Variants in LARGE1 observed in about 807,000 individuals in gnomAD.
LARGE1 encodes the protein LARGE xylosyl- and glucuronyltransferase 1, also known as xylosyl- and glucuronyltransferase LARGE1.
A neutral mutation model predicts 87.6 loss-of-function variants in LARGE1; 43 were observed. The ratio of observed to expected loss-of-function variants is 0.49; its 90% CI spans 0.38 to 0.63. The LOEUF is 0.63. LARGE1 is among the 30% of genes least tolerant of loss of function. LARGE1 has a pLI of 0.00. For synonymous variants in LARGE1, 434 were observed against 394.6 expected (o/e 1.10, Z -1.18); for missense variants, 802 against 1,000.2 (o/e 0.80, Z 2.67).
chr22:33,920,494 A>AGCGCGGCG (rs1461929215), upstream of LARGE1: 1 of 143,472 alleles, frequency 7.0e-6, no homozygotes, highest in African/African-American at 2.5e-5. Flanking sequence ...CCGGGCGCCG[A>AGCGCGGCG]ACGCGGCGGC....
At chr22:33,197,741 CAATCAAA>C (rs1924152531) in intron 11 of LARGE1, among the ~76,000 whole-genome samples, 1 of 151,998 alleles carries the variant, frequency 6.6e-6, no homozygotes. Flanking sequence ...AATGCACTCC[CAATCAAA>C]AGCCCAAAAG....
At chr22:33,186,037 C>A (rs1156445888) in intron 11 of LARGE1, among the ~76,000 whole-genome samples, 1 of 152,016 alleles carries the variant, frequency 6.6e-6, no homozygotes, top group Non-Finnish European at 1.5e-5. Flanking sequence ...TTAAAAAGTT[C>A]TTTATAATAA....
chr22:33,079,854 G>A, the LARGE1 span, among the ~76,000 whole-genome samples: 57 of 152,170 alleles, frequency 3.7e-4, 1 homozygote, highest in Admixed American at 6.5e-5. Flanking sequence ...GGAATGACCC[G>A]TTGAGGGCAA....
chr22:33,878,272 G>T (rs2064547473), intron 1 of LARGE1, among the ~76,000 whole-genome samples: 1 of 147,188 alleles, frequency 6.8e-6, no homozygotes, highest in African/African-American at 2.5e-5. Flanking sequence ...GTAGTAGCTG[G>T]GACTATAGGC....
chr22:33,155,971 C>T, the LARGE1 span, among the ~76,000 whole-genome samples: 2 of 152,044 alleles, frequency 1.3e-5, no homozygotes, highest in Non-Finnish European at 2.9e-5. Flanking sequence ...AAGCCCCAAC[C>T]AAGCCTTGCA....
chr22:33,910,550 C>A (rs773251539), intron 1 of LARGE1, among the ~76,000 whole-genome samples: 6 of 152,186 alleles, frequency 3.9e-5, no homozygotes, highest in Non-Finnish European at 8.8e-5. Flanking sequence ...CATCCCCTTA[C>A]GAGACTCTTC....
chr22:33,114,039 T>C, the LARGE1 span, among the ~76,000 whole-genome samples: 5 of 140,302 alleles, frequency 3.6e-5, no homozygotes, highest in South Asian at 1.1e-3. Flanking sequence ...CCCAGCTAAT[T>C]TTTCTATTTT....
At chr22:33,310,999 T>C (rs61517662) in intron 11 of LARGE1, among the ~76,000 whole-genome samples, 12,036 of 151,632 alleles carry the variant, frequency 0.079, 514 homozygotes, top group South Asian at 0.17. Flanking sequence ...CTCGCTTTGT[T>C]GCCCAGGCTG....
At chr22:33,386,997 AG>A (rs1245426176) in intron 7 of LARGE1, among the ~76,000 whole-genome samples, 2 of 148,176 alleles carry the variant, frequency 1.3e-5, no homozygotes, top group African/African-American at 4.9e-5. Flanking sequence ...CCAGCTACTC[AG>A]GAGGCTGAGG....
intron 6 of LARGE1, among the ~76,000 whole-genome samples, chr22:33,521,620 G>C (rs1408789200): frequency 1.3e-5 from 2 of 152,208 alleles, no homozygotes; most frequent in Non-Finnish European, 2.9e-5. Flanking sequence ...CTCTTAATGG[G>C]AGGAGCTACA....
chr22:33,108,059 G>T, the LARGE1 span, among the ~76,000 whole-genome samples: 1 of 151,980 alleles, frequency 6.6e-6, no homozygotes, highest in Non-Finnish European at 1.5e-5. Context: ...TAAAGCAAAC[G>T]CTATATAACC....
chr22:33,427,394 G>A (rs1421206051), intron 7 of LARGE1, among the ~76,000 whole-genome samples: 1 of 152,210 alleles, frequency 6.6e-6, no homozygotes, highest in Non-Finnish European at 1.5e-5. Flanking sequence ...GGAGATGAAT[G>A]GGAGATGGTG....
At chr22:33,302,437 T>C (rs1194151887) in intron 12 of LARGE1, among the ~76,000 whole-genome samples, 1 of 152,006 alleles carries the variant, frequency 6.6e-6, no homozygotes, top group East Asian at 1.9e-4. Flanking sequence ...GGGGAGGGAT[T>C]AACACTAGGA....
intron 11 of LARGE1, among the ~76,000 whole-genome samples, chr22:33,168,988 G>T (rs1036196535): frequency 6.6e-6 from 1 of 152,138 alleles, no homozygotes; most frequent in African/African-American, 2.4e-5. Flanking sequence ...GGCCTACAGT[G>T]CAAGGCCAAA....
At chr22:33,715,784 G>A (rs991722976) in intron 2 of LARGE1, among the ~76,000 whole-genome samples, 10 of 152,142 alleles carry the variant, frequency 6.6e-5, no homozygotes, top group Non-Finnish European at 1.2e-4. Flanking sequence ...CAGTGGCATC[G>A]CACAGGCTAG....
intron 5 of LARGE1, among the ~76,000 whole-genome samples, chr22:33,580,461 ACCTTACAGAAT>A (rs1023368229): frequency 2.0e-5 from 3 of 152,080 alleles, no homozygotes; most frequent in African/African-American, 7.2e-5. Flanking sequence ...CCAGCAGAGG[ACCTTACAGAAT>A]CGAGCTGCTG....
chr22:33,243,809 C>A (rs1926629700), intron 11 of LARGE1, among the ~76,000 whole-genome samples: 1 of 152,070 alleles, frequency 6.6e-6, no homozygotes. Context: ...TTCAGGTCAC[C>A]TTTTTTTATT....
intron 7 of LARGE1, among the ~76,000 whole-genome samples, chr22:33,396,555 C>G (rs1046534199): frequency 6.7e-6 from 1 of 150,254 alleles, no homozygotes; most frequent in Non-Finnish European, 1.5e-5. Context: ...TCAAACCTTC[C>G]CTAACTTGGC....
At chr22:33,804,490 A>C (rs759028181) in intron 1 of LARGE1, among the ~76,000 whole-genome samples, 1 of 152,194 alleles carries the variant, frequency 6.6e-6, no homozygotes, top group Non-Finnish European at 1.5e-5. Flanking sequence ...TGAGACGCAC[A>C]TATCAAAAGG....
Sources: gnomAD v4.1 joint callset for allele counts (sites outside exome capture counted in the v4.1 genomes callset) on GRCh38, gnomAD v4.1.1 for gene constraint, MANE v1.5 for transcripts, NCBI Gene and HGNC (gene_info 2026-07-23, HGNC 2026-07-21) for gene names.